The following TLE4 variants were observed in gnomAD, a reference collection of about 807,000 sequenced individuals.
TLE4 encodes TLE family member 4, transcriptional corepressor.
TLE4 carries 8 observed loss-of-function variants against 92.8 expected under a neutral mutation model. The observed-to-expected ratio is 0.09, with a 90% CI of 0.05 to 0.16. The LOEUF is 0.16. Ranked by LOEUF, TLE4 falls within the 10% of genes least tolerant of loss-of-function variation. The pLI is 1.00. For synonymous variants in TLE4, 371 were observed against 374.1 expected, an observed-to-expected ratio of 0.99 and a Z score of 0.10; for missense variants, 675 against 997.6, an observed-to-expected ratio of 0.68 and a Z score of 4.36.
chr9:79,720,049 A>G lies in TLE4; in HGVS notation c.1594A>G (p.Arg532Gly). 6 of 1,607,772 alleles carry G rather than the reference A, an allele frequency of 3.7e-6. No individual in the cohort carries two copies. Among genetic ancestry groups the G allele is most frequent in the Non-Finnish European group, 5.1e-6 (6 of 1,174,820 alleles). The change falls in exon 16 of 20, where the codon AGG becomes GGG. Residue 532 changes from arginine (R) to glycine (G), a missense_variant. Physicochemically the swap from Arg to Gly is moderately radical, Grantham distance 125. Transcript: ENST00000376552. ...TTGATGGTTTTTGTCTCTACAGAAC[A>G]GGGATAACTACATCCGTTCCTGCAG... ...SPVSQLDCLN[R>G]DNYIRSCRLL... is the part of the protein sequence containing the mutation.
intron 4 of TLE4, among the ~76,000 whole-genome samples, chr9:79,596,488 T>C (rs2044052744): frequency 6.6e-6 from 1 of 152,122 alleles, no homozygotes; most frequent in Admixed American, 6.5e-5. Context: ...TTCCAATCAG[T>C]GAGGAGGCAC....
chr9:79,636,608 G>A (rs936302158), intron 6 of TLE4, among the ~76,000 whole-genome samples: 5 of 152,130 alleles, frequency 3.3e-5, no homozygotes, highest in Admixed American at 1.3e-4. Flanking sequence ...TCTTTTCAGA[G>A]TGTCAGCTCA....
At chr9:79,642,799 T>G (rs1033229054) in intron 6 of TLE4, among the ~76,000 whole-genome samples, 23 of 152,134 alleles carry the variant, frequency 1.5e-4, no homozygotes, top group African/African-American at 5.3e-4. Context: ...GATCTCATGA[T>G]TTGCTTGCTT....
chr9:79,720,061 A>C lies in TLE4; in HGVS notation c.1606A>C (p.Ile536Leu). The C allele has an allele frequency of 6.2e-7, 1 of 1,612,162 alleles. No individual in the cohort carries two copies. The highest frequency in any genetic ancestry group is 8.5e-7 in the Non-Finnish European group (1 of 1,178,350). Residue 536 changes from isoleucine to leucine, a missense_variant, in exon 16 of 20, where the codon ATC becomes CTC. Physicochemically the swap from Ile to Leu is conservative, Grantham distance 5. Coordinates refer to ENST00000376552, the MANE Select transcript of TLE4 (RefSeq NM_007005.6). ...GTCTCTACAGAACAGGGATAACTAC[A>C]TCCGTTCCTGCAGATTGCTCCCTGA... ...QLDCLNRDNYIRSCRLLPDGR... is the reference protein window; with the variant it reads ...QLDCLNRDNYLRSCRLLPDGR...
At chr9:79,680,987 A>G (rs1268486064) in intron 8 of TLE4, among the ~76,000 whole-genome samples, 1 of 152,100 alleles carries the variant, frequency 6.6e-6, no homozygotes, top group Non-Finnish European at 1.5e-5. Context: ...CCACTTGATC[A>G]TGGTGGATAA....
At chr9:79,578,569 C>T (rs955858923) in intron 4 of TLE4, among the ~76,000 whole-genome samples, 1 of 152,076 alleles carries the variant, frequency 6.6e-6, no homozygotes, top group African/African-American at 2.4e-5. Context: ...TGTTCTCCCT[C>T]CTACCCTTTC....
At chr9:79,573,866 C>T in intron 2 of TLE4, 80 bp downstream of exon 2, 1 of 1,059,648 alleles carries the variant, frequency 9.4e-7, no homozygotes, top group Non-Finnish European at 1.3e-6. Context: ...CACTTACCCT[C>T]CTCCTTTTTT....
chr9:79,603,668 G>C (rs2046183760), intron 4 of TLE4, among the ~76,000 whole-genome samples: 1 of 152,092 alleles, frequency 6.6e-6, no homozygotes, highest in Non-Finnish European at 1.5e-5. Flanking sequence ...TATTGTTGTG[G>C]TCTGGAACTG....
At chr9:79,618,493 G>T (rs1375913919) in intron 5 of TLE4, among the ~76,000 whole-genome samples, 1 of 152,168 alleles carries the variant, frequency 6.6e-6, no homozygotes, top group African/African-American at 2.4e-5. Context: ...CTTATGACCA[G>T]TGGCTTCCTA....
chr9:79,602,293 T>C (rs1368932780), intron 4 of TLE4, among the ~76,000 whole-genome samples: 1 of 152,206 alleles, frequency 6.6e-6, no homozygotes, highest in Non-Finnish European at 1.5e-5. Context: ...AACAACAGAT[T>C]TGCAGTGTGG....
chr9:79,668,802 T>G, intron 8 of TLE4: 1 of 985,300 alleles, frequency 1.0e-6, no homozygotes. Context: ...AAATACTCTT[T>G]TGTATATTCA....
In TLE4 at chr9:79,643,191, C is replaced by T. The variant is rs186052583; in HGVS notation, c.391-9402C>T. On this transcript the variant is annotated intron_variant, in intron 6 of 19. Transcript: ENST00000376552. ...CTGTATACTCGTCACCTAGATTTAC[C>T]GGTTAACGTATCGTCACTTTTGTTT... 4.6e-5 allele frequency among the ~76,000 whole-genome samples: 7 copies of T among 152,274 alleles called. No individual in the cohort carries two copies. In the East Asian group the frequency reaches 1.2e-3, roughly 25 times the overall value.
intron 8 of TLE4, among the ~76,000 whole-genome samples, chr9:79,693,927 A>C (rs980039863): frequency 6.6e-6 from 1 of 152,176 alleles, no homozygotes; most frequent in African/African-American, 2.4e-5. Context: ...CTTGATGCCA[A>C]ATTGCAGTTG....
intron 8 of TLE4, among the ~76,000 whole-genome samples, chr9:79,666,193 GTGT>G (rs770759500): frequency 7.9e-4 from 114 of 144,532 alleles, no homozygotes; most frequent in African/African-American, 2.6e-3. Context: ...GTGTGTGTGT[GTGT>G]GGGTGGGGTT....
At chr9:79,703,649 CAT>C (rs2070616592) in intron 8 of TLE4, among the ~76,000 whole-genome samples, 1 of 152,214 alleles carries the variant, frequency 6.6e-6, no homozygotes, top group East Asian at 1.9e-4. Context: ...AGAGGTGAAG[CAT>C]ACAGGCTGAG....
At chr9:79,704,612 A>T in intron 8 of TLE4, 171 bp from the exon 9 acceptor site, 3 of 769,110 alleles carry the variant, frequency 3.9e-6, no homozygotes, top group South Asian at 2.4e-5. Flanking sequence ...CTTTCCCTTT[A>T]TATCCCTGTT....
chr9:79,601,215 C>G (rs1419038482), intron 4 of TLE4, among the ~76,000 whole-genome samples: 3 of 152,204 alleles, frequency 2.0e-5, no homozygotes, highest in African/African-American at 7.2e-5. Context: ...CCTTTTGTTG[C>G]ACACTATGAT....
intron 5 of TLE4, among the ~76,000 whole-genome samples, chr9:79,622,907 C>A (rs2051396412): frequency 6.6e-6 from 1 of 152,160 alleles, no homozygotes; most frequent in South Asian, 2.1e-4. Context: ...GTCTTACTTT[C>A]ACCTCTCCAC....
At chr9:79,650,196 G>A (rs985850895) in intron 6 of TLE4, among the ~76,000 whole-genome samples, 6 of 152,052 alleles carry the variant, frequency 3.9e-5, no homozygotes, top group Admixed American at 1.3e-4. Context: ...GATTACAGGC[G>A]TGAGCCACTG....
Sources: allele counts gnomAD v4.1 joint callset (sites outside exome capture counted in the v4.1 genomes callset), GRCh38; gene constraint gnomAD v4.1.1; transcripts MANE v1.5; gene names NCBI Gene and HGNC (gene_info 2026-07-23, HGNC 2026-07-21).